The following FNDC3A variants were observed in gnomAD, a reference collection of about 807,000 sequenced individuals.
The protein encoded by FNDC3A is fibronectin type-III domain-containing protein 3A.
FNDC3A carries 32 observed loss-of-function variants against 148.9 expected under a neutral mutation model. The observed-to-expected ratio is 0.21, with a 90% CI of 0.16 to 0.29. The LOEUF is 0.29. Among genes scored for constraint, FNDC3A ranks in the 10% least tolerant of loss-of-function variants. The pLI, the probability that FNDC3A is intolerant of heterozygous loss-of-function variation, is 1.00. For synonymous variants in FNDC3A, 472 were observed against 473.6 expected (o/e 1.00, Z 0.04); for missense variants, 1,191 against 1,452.8 (o/e 0.82, Z 2.93).
At chr13:49,025,017 C>CT (rs1873599113) in intron 2 of FNDC3A, among the ~76,000 whole-genome samples, 3 of 151,864 alleles carry the variant, frequency 2.0e-5, no homozygotes, top group Admixed American at 2.0e-4. Context: ...TCCTAAATAG[C>CT]TTTTTTGTGC....
chr13:49,169,561 T>C (rs896532665), intron 10 of FNDC3A, among the ~76,000 whole-genome samples: 7 of 152,164 alleles, frequency 4.6e-5, no homozygotes, highest in African/African-American at 1.7e-4. Context: ...TCCTGCATTA[T>C]TGTGATCAGG....
At chr13:49,038,108 C>T (rs1245888436) in intron 2 of FNDC3A, among the ~76,000 whole-genome samples, 1 of 152,136 alleles carries the variant, frequency 6.6e-6, no homozygotes, top group Non-Finnish European at 1.5e-5. Context: ...CTGATTGTCC[C>T]CACTGAACTC....
intron 8 of FNDC3A, among the ~76,000 whole-genome samples, chr13:49,153,300 G>A (rs1883438489): frequency 6.6e-6 from 1 of 151,930 alleles, no homozygotes. Context: ...TGTGTTTTTT[G>A]GCTGCCTAAA....
At chr13:49,123,891 TTGG>T (rs1419165874) in intron 4 of FNDC3A, among the ~76,000 whole-genome samples, 5 of 152,184 alleles carry the variant, frequency 3.3e-5, no homozygotes, top group East Asian at 3.9e-4. Context: ...TTTTACACTG[TTGG>T]TGGTAGTGTA....
intron 2 of FNDC3A, among the ~76,000 whole-genome samples, chr13:49,007,264 A>G (rs547522585): frequency 1.3e-4 from 20 of 152,226 alleles, no homozygotes; most frequent in Non-Finnish European, 2.1e-4. Flanking sequence ...ATTAGTAGCA[A>G]TTGGCTTGGG....
At position 49,153,895 on chromosome 13, in the gene FNDC3A, AGTACCAT is replaced by A. The variant is rs1234451508; in HGVS notation, c.977+7962_977+7968del. Among the ~76,000 whole-genome samples the A allele has an allele frequency of 1.7e-4, 22 of 127,018 alleles. No individual in the cohort carries two copies. In the South Asian group the frequency reaches 6.5e-3, roughly 38 times the overall value. The allele number at this position is 127,018 out of a possible 152,430, so 83.3% of individuals were successfully genotyped here. ...TGATCTATATCTCTGTTTTGGTACC[AGTACCAT>A]GCTGTTTTGGTTACTGTAGCCTTGT... On this transcript the variant is annotated intron_variant, in intron 8 of 25. Coordinates refer to ENST00000492622, the MANE Select transcript of FNDC3A (RefSeq NM_001079673.2).
chr13:49,204,141 T>G (rs944539045), intron 25 of FNDC3A, among the ~76,000 whole-genome samples: 1 of 152,208 alleles, frequency 6.6e-6, no homozygotes, highest in Admixed American at 6.5e-5. Flanking sequence ...GAAGTTATAA[T>G]GGAAACCTAG....
chr13:49,145,634 A>C (rs1326905290), intron 7 of FNDC3A, 144 bp from the exon 8 acceptor site: 1 of 646,932 alleles, frequency 1.5e-6, no homozygotes, highest in Non-Finnish European at 2.6e-6. Context: ...AATTATTTGC[A>C]ATGGGCAGGT....
At chr13:48,997,976 A>C in intron 1 of FNDC3A, among the ~76,000 whole-genome samples, 1 of 152,004 alleles carries the variant, frequency 6.6e-6, no homozygotes, top group East Asian at 1.9e-4. Context: ...CAGAGAAAAA[A>C]GGAGAGCTGG....
At chr13:49,095,736 G>T (rs933501254) in intron 3 of FNDC3A, among the ~76,000 whole-genome samples, 1 of 152,004 alleles carries the variant, frequency 6.6e-6, no homozygotes. Context: ...TTGATTCAGG[G>T]AAGTACTAAT....
At chr13:49,117,422 TA>T (rs1288791253) in intron 4 of FNDC3A, among the ~76,000 whole-genome samples, 1 of 152,228 alleles carries the variant, frequency 6.6e-6, no homozygotes, top group African/African-American at 2.4e-5. Flanking sequence ...TAAGGAATGT[TA>T]TTCATTTCTC....
rs184231315 is a variant in FNDC3A, at chr13:49,088,691, T to A, written c.175+13327T>A. On this transcript the variant is annotated intron_variant, in intron 3 of 25. Transcript: ENST00000492622. Reference sequence around the variant, plus strand: ...AGTTTATGCATTCTCCTGTTTTTTTTCCAACCGCACTAGTACTTCCTTCTC... The same window carrying A: ...AGTTTATGCATTCTCCTGTTTTTTTACCAACCGCACTAGTACTTCCTTCTC... Among the ~76,000 whole-genome samples the A allele has an allele frequency of 1.2e-4, 19 of 152,288 alleles. No homozygotes were observed. The East Asian group carries it at 3.7e-3, about 29-fold the overall frequency.
intron 2 of FNDC3A, among the ~76,000 whole-genome samples, chr13:49,030,595 T>C (rs548976029): frequency 4.1e-4 from 62 of 152,284 alleles, no homozygotes; most frequent in South Asian, 1.2e-3. Flanking sequence ...GAGAACATGA[T>C]CTTGTAAAAA....
chr13:48,975,616 A>G (rs1320853100), upstream of FNDC3A: 1 of 151,888 alleles, frequency 6.6e-6, no homozygotes, highest in Non-Finnish European at 1.5e-5. Flanking sequence ...GTCTCTAGGA[A>G]CCTCCATTAA....
chr13:49,081,716 A>G (rs1357088073), intron 3 of FNDC3A, among the ~76,000 whole-genome samples: 1 of 152,202 alleles, frequency 6.6e-6, no homozygotes, highest in African/African-American at 2.4e-5. Flanking sequence ...ATTTTTCTGC[A>G]AAGTGGCTTC....
Position 49,114,674 on chromosome 13 carries a change from G to A in FNDC3A, c.195G>A (p.Met65Ile), listed in dbSNP as rs751448707. ...QCITGPAQVP[M>I]MSPNGSVPPI... Reference sequence around the variant, plus strand: ...ATTCAGGTCCTGCTCAGGTTCCAATGATGTCCCCAAATGGTTCTGTGCCTC... The same window carrying A: ...ATTCAGGTCCTGCTCAGGTTCCAATAATGTCCCCAAATGGTTCTGTGCCTC... Residue 65 changes from methionine (M) to isoleucine (I), a missense_variant, in exon 4 of 26, where the codon ATG becomes ATA. Met to Ile is a conservative substitution (Grantham distance 10). Around this residue, in one of 3 missense-constraint regions of FNDC3A, gnomAD observed 426 missense variants for 473.2 expected, o/e 0.90. Coordinates refer to ENST00000492622, the MANE Select transcript of FNDC3A (RefSeq NM_001079673.2). 6.2e-7 allele frequency: 1 copy of A among 1,613,020 alleles called. No homozygotes were observed. The highest frequency in any genetic ancestry group is 8.5e-7 in the Non-Finnish European group (1 of 1,179,046).
At chr13:49,168,824 A>T in intron 10 of FNDC3A, 73 bp downstream of exon 10, 1 of 1,381,518 alleles carries the variant, frequency 7.2e-7, no homozygotes, top group Non-Finnish European at 1.0e-6. Flanking sequence ...TTAAGTTTCA[A>T]TTGTTGCTGG....
At chr13:49,089,145 CTAATA>C (rs1194183484) in intron 3 of FNDC3A, among the ~76,000 whole-genome samples, 1 of 152,022 alleles carries the variant, frequency 6.6e-6, no homozygotes, top group African/African-American at 2.4e-5. Flanking sequence ...GTAAATGTAC[CTAATA>C]TTGAACCATA....
chr13:49,181,651 G>T (rs190798781), intron 14 of FNDC3A, among the ~76,000 whole-genome samples: 3 of 152,042 alleles, frequency 2.0e-5, no homozygotes, highest in Non-Finnish European at 4.4e-5. Flanking sequence ...TTGTGTCTTG[G>T]TCTTCCTTTT....
Sources: gnomAD v4.1 joint callset for allele counts (sites outside exome capture counted in the v4.1 genomes callset) on GRCh38, gnomAD v4.1.1 for gene constraint, gnomAD v4.1.1 regional missense constraint, MANE v1.5 for transcripts, NCBI Gene and HGNC (gene_info 2026-07-23, HGNC 2026-07-21) for gene names.